Variants in STARD13 observed in about 807,000 individuals in gnomAD.
STARD13 encodes the protein stAR-related lipid transfer protein 13.
STARD13 carries 62 observed loss-of-function variants against 106.4 expected under a neutral mutation model. The observed-to-expected ratio is 0.58, with a 90% CI of 0.48 to 0.72. The LOEUF is 0.72. Ranked by LOEUF, STARD13 falls within the 30% of genes least tolerant of loss-of-function variation. The pLI, the probability that STARD13 is intolerant of heterozygous loss-of-function variation, is 0.00. For missense variants in STARD13, 1,387 were observed against 1,424.0 expected (o/e 0.97, Z 0.42); for synonymous variants, 565 against 553.0 (o/e 1.02, Z -0.31).
At chr13:33,235,204 G>C (rs1889127710) in intron 1 of STARD13, among the ~76,000 whole-genome samples, 1 of 152,174 alleles carries the variant, frequency 6.6e-6, no homozygotes, top group African/African-American at 2.4e-5. Context: ...AGCAACACTG[G>C]ACATCTGTCA....
intron 1 of STARD13, among the ~76,000 whole-genome samples, chr13:33,190,368 C>A (rs1447971177): frequency 6.6e-6 from 1 of 152,106 alleles, no homozygotes; most frequent in African/African-American, 2.4e-5. Flanking sequence ...CTGCAGTAAG[C>A]TATGATCCTA....
At chr13:33,283,208 A>G (rs1351895762) in intron 1 of STARD13, among the ~76,000 whole-genome samples, 2 of 152,220 alleles carry the variant, frequency 1.3e-5, no homozygotes, top group Admixed American at 6.5e-5. Context: ...GTATTGCTGT[A>G]TCCTGAGTAG....
At chr13:33,390,067 G>T in the STARD13 span, among the ~76,000 whole-genome samples, 1 of 152,090 alleles carries the variant, frequency 6.6e-6, no homozygotes, top group African/African-American at 2.4e-5. Flanking sequence ...TACCGTCATT[G>T]GTGCCTGTGG....
chr13:33,198,203 C>T (rs1389814062), intron 1 of STARD13, among the ~76,000 whole-genome samples: 1 of 152,140 alleles, frequency 6.6e-6, no homozygotes, highest in Non-Finnish European at 1.5e-5. Context: ...GTTTCAACAC[C>T]AAATATGTCA....
chr13:33,129,145 A>G lies in STARD13; in HGVS notation c.1532T>C (p.Leu511Pro), dbSNP rs150961010. Residue 511 changes from leucine to proline, a missense_variant, in exon 5 of 14, where the codon CTG becomes CCG. By Grantham distance (98) the Leu-to-Pro change is moderately conservative. Coordinates refer to ENST00000336934, the MANE Select transcript of STARD13 (RefSeq NM_178006.4). ...DDWSKDVLPE[L>P]QTHDTLVGEP... Reference sequence around the variant, plus strand: ...CCCAACCAATGTATCATGAGTTTGCAGTTCAGGCAAGACATCTTTGGACCA... The same window carrying G: ...CCCAACCAATGTATCATGAGTTTGCGGTTCAGGCAAGACATCTTTGGACCA... 9.3e-6 allele frequency: 15 copies of G among 1,614,080 alleles called. No individual in the cohort carries two copies. The highest frequency in any genetic ancestry group is 1.3e-5 in the Non-Finnish European group (15 of 1,180,042).
chr13:33,662,982 G>GGTGAGA, the STARD13 span, among the ~76,000 whole-genome samples: 26 of 152,254 alleles, frequency 1.7e-4, no homozygotes, highest in African/African-American at 6.0e-4. Flanking sequence ...ATTCAGTGTT[G>GGTGAGA]GTGAGAGTGA....
intron 3 of STARD13, among the ~76,000 whole-genome samples, chr13:33,158,380 T>C (rs1185617004): frequency 6.6e-6 from 1 of 152,188 alleles, no homozygotes; most frequent in Non-Finnish European, 1.5e-5. Flanking sequence ...ATCTATCTAC[T>C]CAGGAGAGAT....
At chr13:33,368,585 GA>G in the STARD13 span, among the ~76,000 whole-genome samples, 1 of 152,142 alleles carries the variant, frequency 6.6e-6, no homozygotes, top group Admixed American at 6.5e-5. Flanking sequence ...TCAAGTTCAG[GA>G]AACATTTACT....
At position 33,165,410 on chromosome 13, in the gene STARD13, A is replaced by G; in HGVS notation, c.250T>C (p.Phe84Leu). 1 of 1,613,472 alleles carries G rather than the reference A, an allele frequency of 6.2e-7. No homozygotes were observed. ...QYAQLYEDSQ[F>L]PINIVAVKND... ...TTGACAGCCACAATGTTGATGGGAAATTGTGAATCTGAGAGAGAAAGACAA... is the reference window on the plus strand; with the variant it reads ...TTGACAGCCACAATGTTGATGGGAAGTTGTGAATCTGAGAGAGAAAGACAA... Residue 84 changes from phenylalanine to leucine, a missense_variant, in exon 3 of 14, where the codon TTT becomes CTT. Transcript: ENST00000336934.
At chr13:33,499,055 T>C in the STARD13 span, among the ~76,000 whole-genome samples, 1 of 152,150 alleles carries the variant, frequency 6.6e-6, no homozygotes, top group Non-Finnish European at 1.5e-5. Flanking sequence ...GGAGAATCAC[T>C]TGAACCCAGG....
intron 1 of STARD13, among the ~76,000 whole-genome samples, chr13:33,315,170 C>G (rs1422769389): frequency 1.3e-5 from 2 of 152,172 alleles, no homozygotes; most frequent in Non-Finnish European, 2.9e-5. Flanking sequence ...GTCATTAAAA[C>G]ACAGTTCCCC....
intron 1 of STARD13, among the ~76,000 whole-genome samples, chr13:33,236,758 G>A (rs1316138028): frequency 1.3e-5 from 2 of 152,214 alleles, no homozygotes; most frequent in Non-Finnish European, 2.9e-5. Context: ...TGCGGACAGT[G>A]AGGACAGTGC....
At chr13:33,443,459 CAA>C in the STARD13 span, among the ~76,000 whole-genome samples, 877 of 145,212 alleles carry the variant, frequency 6.0e-3, 9 homozygotes, top group African/African-American at 0.02. Context: ...GTCCCCCCCC[CAA>C]AAAAAAAACA....
rs1879948865 is a variant in STARD13 at position 33,142,363 on chromosome 13, T to C, written c.334A>G (p.Thr112Ala). ...TTCATTGAGGCACACTTGTTCAACG[T>C]ATTTAGTCGTCTAAAAGGAAAGAAA... Reference protein sequence around the residue: ...LVEPLCRRLNTLNKCASMKLD... With the variant: ...LVEPLCRRLNALNKCASMKLD... Residue 112 changes from threonine to alanine, a missense_variant, in exon 4 of 14, where the codon ACG (threonine) becomes GCG (alanine). By Grantham distance (58) the Thr-to-Ala change is moderately conservative. Transcript: ENST00000336934. 1.2e-6 allele frequency: 2 copies of C among 1,613,960 alleles called. No homozygotes were observed. Among genetic ancestry groups the C allele is most frequent in the Non-Finnish European group, 1.7e-6 (2 of 1,179,888 alleles).
chr13:33,617,452 A>G, the STARD13 span, among the ~76,000 whole-genome samples: 7 of 152,218 alleles, frequency 4.6e-5, no homozygotes, highest in African/African-American at 1.7e-4. Flanking sequence ...TTCAGGAAAC[A>G]TTACACTCAC....
At chr13:33,551,568 CCTTTTTTTTTTTTTTTTTTTTT>C in the STARD13 span, among the ~76,000 whole-genome samples, 11,612 of 44,732 alleles carry the variant, frequency 0.26, 2,904 homozygotes, top group Non-Finnish European at 0.34. Flanking sequence ...TTTGCTTTTC[CCTTTTTTTTTTTTTTTTTTTTT>C]TTTTTTTTTT....
At chr13:33,545,254 C>A in the STARD13 span, among the ~76,000 whole-genome samples, 1 of 152,140 alleles carries the variant, frequency 6.6e-6, no homozygotes, top group Non-Finnish European at 1.5e-5. Flanking sequence ...GCCACCGCGC[C>A]TGGCCTAATT....
chr13:33,467,435 T>C, the STARD13 span, among the ~76,000 whole-genome samples: 5 of 152,124 alleles, frequency 3.3e-5, no homozygotes, highest in African/African-American at 9.7e-5. Context: ...TAAATACAGA[T>C]GAAGCTTTGC....
At chr13:33,318,394 A>C (rs770825963) in intron 1 of STARD13, among the ~76,000 whole-genome samples, 2 of 152,344 alleles carry the variant, frequency 1.3e-5, no homozygotes, top group East Asian at 1.9e-4. Context: ...AAAAGAATGA[A>C]GTTAAACCCC....
Sources: gnomAD v4.1 joint callset for allele counts (sites outside exome capture counted in the v4.1 genomes callset) on GRCh38, gnomAD v4.1.1 for gene constraint, MANE v1.5 for transcripts, NCBI Gene and HGNC (gene_info 2026-07-23, HGNC 2026-07-21) for gene names.